Variants in USP34 observed in about 807,000 individuals in gnomAD.
The protein encoded by USP34 is ubiquitin carboxyl-terminal hydrolase 34.
A neutral mutation model predicts 460.3 loss-of-function variants in USP34; 70 were observed. The ratio of observed to expected loss-of-function variants is 0.15; its 90% CI spans 0.13 to 0.19. The LOEUF is 0.19. Ranked by LOEUF, USP34 falls within the 10% of genes least tolerant of loss-of-function variation. USP34 has a pLI of 1.00. For missense variants in USP34, 3,985 were observed against 4,236.2 expected (o/e 0.94, Z 1.65); for synonymous variants, 1,647 against 1,405.3 (o/e 1.17, Z -3.85).
intron 75 of USP34, among the ~76,000 whole-genome samples, chr2:61,201,567 C>T (rs1355347801): frequency 2.6e-5 from 4 of 152,110 alleles, no homozygotes; most frequent in Non-Finnish European, 2.9e-5. Flanking sequence ...CCCTATGAGG[C>T]AACATTGATA....
intron 5 of USP34, among the ~76,000 whole-genome samples, chr2:61,392,363 C>G (rs920733702): frequency 2.0e-5 from 3 of 152,172 alleles, no homozygotes; most frequent in African/African-American, 7.2e-5. Context: ...AGCCTGCAAG[C>G]CTGTAATCCC....
chr2:61,438,011 T>C (rs1178313684), intron 1 of USP34, among the ~76,000 whole-genome samples: 1 of 151,538 alleles, frequency 6.6e-6, no homozygotes, highest in Non-Finnish European at 1.5e-5. Context: ...ACAAGGCCAG[T>C]ATAACCCTGA....
intron 48 of USP34, among the ~76,000 whole-genome samples, chr2:61,251,086 C>T (rs1413633361): frequency 1.3e-5 from 2 of 152,018 alleles, no homozygotes; most frequent in Non-Finnish European, 1.5e-5. Flanking sequence ...GGCAGTGAGC[C>T]AAGATTGTGC....
intron 6 of USP34, among the ~76,000 whole-genome samples, chr2:61,381,261 AT>A (rs996391125): frequency 2.4e-5 from 3 of 125,596 alleles, no homozygotes; most frequent in Non-Finnish European, 5.2e-5. Flanking sequence ...CTAAAAAAAA[AT>A]AAAACACACA....
intron 32 of USP34, 120 bp downstream of exon 32, chr2:61,294,829 A>T (rs1689976770): frequency 1.2e-6 from 1 of 829,138 alleles, no homozygotes; most frequent in African/African-American, 1.8e-5. Flanking sequence ...TGATTTTTAA[A>T]CTATGCTTTA....
intron 76 of USP34, chr2:61,191,170 G>A (rs2103734709): frequency 6.6e-6 from 1 of 152,380 alleles, no homozygotes; most frequent in Non-Finnish European, 1.5e-5. Context: ...ACACTGCAAG[G>A]GTAAACAATA....
At chr2:61,392,291 A>T (rs989113640) in intron 5 of USP34, among the ~76,000 whole-genome samples, 2 of 152,090 alleles carry the variant, frequency 1.3e-5, no homozygotes, top group African/African-American at 4.8e-5. Context: ...AGCTGCTACT[A>T]CCGCACAGCA....
chr2:61,246,176 C>A (rs1688411982), intron 50 of USP34, 148 bp downstream of exon 50: 4 of 507,780 alleles, frequency 7.9e-6, no homozygotes, highest in Non-Finnish European at 1.3e-5. Context: ...AACTGATTTA[C>A]ACTGTCTGTT....
At chr2:61,259,298 A>G (rs1572878590) in intron 44 of USP34, among the ~76,000 whole-genome samples, 2 of 152,054 alleles carry the variant, frequency 1.3e-5, no homozygotes, top group East Asian at 3.8e-4. Flanking sequence ...AAGAAAAAGA[A>G]AGGTACATAG....
intron 34 of USP34, among the ~76,000 whole-genome samples, chr2:61,285,828 G>C (rs1044564026): frequency 2.0e-5 from 3 of 152,104 alleles, no homozygotes; most frequent in African/African-American, 7.2e-5. Context: ...TCAGCTTCAG[G>C]CTACATGATC....
intron 75 of USP34, chr2:61,200,017 T>TG (rs1686924051): frequency 6.6e-6 from 1 of 152,400 alleles, no homozygotes; most frequent in African/African-American, 2.4e-5. Flanking sequence ...CTCTTACCAT[T>TG]GCTCTTTTTC....
At chr2:61,413,675 T>TA (rs1372311991) in intron 2 of USP34, among the ~76,000 whole-genome samples, 3 of 85,690 alleles carry the variant, frequency 3.5e-5, no homozygotes, top group African/African-American at 1.4e-4. Flanking sequence ...ATTAAAAAAA[T>TA]AAAAAATAAA....
chr2:61,188,876 C>A (rs768331160), intron 79 of USP34, 34 bp downstream of exon 79: 30 of 1,611,488 alleles, frequency 1.9e-5, no homozygotes, highest in Non-Finnish European at 2.5e-5. Flanking sequence ...CTCCTCCCAC[C>A]CTAAAGGTAA....
At chr2:61,329,870 AC>A (rs1299360241) in intron 20 of USP34, among the ~76,000 whole-genome samples, 4 of 152,186 alleles carry the variant, frequency 2.6e-5, no homozygotes, top group African/African-American at 9.7e-5. Flanking sequence ...TAGATTAATA[AC>A]CTAGAGCTAG....
intron 37 of USP34, among the ~76,000 whole-genome samples, chr2:61,282,577 C>T (rs1417160950): frequency 6.6e-6 from 1 of 152,106 alleles, no homozygotes; most frequent in Admixed American, 6.5e-5. Flanking sequence ...TTACATGACA[C>T]CAGGAGTTCA....
At chr2:61,400,002 C>G (rs182423906) in intron 3 of USP34, among the ~76,000 whole-genome samples, 1 of 151,306 alleles carries the variant, frequency 6.6e-6, no homozygotes, top group East Asian at 2.0e-4. Flanking sequence ...CCTCAAAAAC[C>G]TCCCATTTAC....
chr2:61,348,462 A>C lies in USP34; in HGVS notation c.1693T>G (p.Ser565Ala). The C allele has an allele frequency of 6.2e-7, 1 of 1,612,388 alleles. No individual in the cohort carries two copies. The highest frequency in any genetic ancestry group is 1.3e-5 in the African/African-American group (1 of 75,048). The change falls in exon 15 of 80, where the codon TCT becomes GCT. Residue 565 changes from serine (S) to alanine (A), a missense_variant. Around this residue, in one of 14 missense-constraint regions of USP34, gnomAD observed 716 missense variants for 626.2 expected, o/e 1.14. Transcript: ENST00000398571. ...SDTEESMQGS[S>A]DETANSGEDG... ...TCACCACTGTTGGCAGTTTCGTCAG[A>C]ACTTCCCTGCATGGATTCCTGTATT...
intron 20 of USP34, among the ~76,000 whole-genome samples, chr2:61,329,317 T>C (rs762530230): frequency 3.3e-5 from 5 of 152,126 alleles, no homozygotes; most frequent in Admixed American, 6.5e-5. Context: ...TGAGCCACCA[T>C]GCCTGGTGAT....
intron 53 of USP34, among the ~76,000 whole-genome samples, chr2:61,239,989 C>T (rs907783508): frequency 9.3e-5 from 12 of 129,156 alleles, no homozygotes; most frequent in East Asian, 2.3e-4. Context: ...CCAGCCTGGG[C>T]GACAGAGCGA....
Sources: gnomAD v4.1 joint callset for allele counts (sites outside exome capture counted in the v4.1 genomes callset) on GRCh38, gnomAD v4.1.1 for gene constraint, gnomAD v4.1.1 regional missense constraint, MANE v1.5 for transcripts, NCBI Gene and HGNC (gene_info 2026-07-23, HGNC 2026-07-21) for gene names.